GAK: variants seen among roughly 807,000 people sequenced by gnomAD.
GAK encodes the protein cyclin G associated kinase, also known as cyclin-G-associated kinase.
Under a neutral mutation model 143.9 loss-of-function variants are expected in GAK, and 79 were observed. That is an observed-to-expected ratio of 0.55 (90% CI 0.46 to 0.66). The LOEUF is 0.66. Among genes scored for constraint, GAK ranks in the 30% least tolerant of loss-of-function variants. GAK has a pLI of 0.00. For synonymous variants in GAK, 881 were observed against 765.5 expected (o/e 1.15, Z -2.49); for missense variants, 1,693 against 1,779.7 (o/e 0.95, Z 0.88).
At position 884,013 on chromosome 4, in the gene GAK, C is replaced by G. The variant is rs1352048919; in HGVS notation, c.1255+24G>C. ...CACAGGGAAGGGCCGGGGCGCGTCCCACAGCCTCATGTGGCACGCATACCT... is the reference window on the plus strand; with the variant it reads ...CACAGGGAAGGGCCGGGGCGCGTCCGACAGCCTCATGTGGCACGCATACCT... On this transcript the variant is annotated intron_variant, in intron 12 of 27. Transcript: ENST00000314167. 1.9e-6 allele frequency: 3 copies of G among 1,611,366 alleles called. No homozygotes were observed. In the African/African-American group the frequency reaches 4.0e-5, roughly 22 times the overall value.
At chr4:925,050 A>C (rs1724498770) in intron 1 of GAK, among the ~76,000 whole-genome samples, 1 of 152,186 alleles carries the variant, frequency 6.6e-6, no homozygotes, top group Non-Finnish European at 1.5e-5. Context: ...CAACACAACA[A>C]GACTCTATCT....
chr4:849,715 G>A lies in GAK; in HGVS notation c.3894C>T (p.Ala1298=). The A allele has an allele frequency of 6.2e-7, 1 of 1,613,476 alleles. No homozygotes were observed. Among genetic ancestry groups the A allele is most frequent in the Non-Finnish European group, 8.5e-7 (1 of 1,179,682 alleles). The change falls in exon 28 of 28, where the codon GCC becomes GCT. Residue 1298 remains alanine, a synonymous_variant. Coordinates refer to ENST00000314167, the MANE Select transcript of GAK (RefSeq NM_005255.4). ...AGCCCTGGTTCTCAAACTCCGACCA[G>A]GCGTCATTCAGCTCCATGAAGATCA... ...AKMIFMELND[A]WSEFENQGSR... is the part of the protein sequence containing the mutation.
At chr4:912,406 T>C (rs868813390) in intron 3 of GAK, 1 of 377,804 alleles carries the variant, frequency 2.6e-6, no homozygotes, top group South Asian at 2.2e-5. Flanking sequence ...CAGCCAGGTC[T>C]CCGGAGGAGC....
intron 1 of GAK, among the ~76,000 whole-genome samples, chr4:927,792 G>A (rs1364577479): frequency 4.4e-5 from 6 of 137,196 alleles, no homozygotes; most frequent in Admixed American, 7.3e-5. Context: ...GCACTGCCCC[G>A]CACCCCTCCC....
At chr4:893,671 C>T (rs1169344213) in intron 8 of GAK, among the ~76,000 whole-genome samples, 182 bp from the exon 9 acceptor site, 1 of 152,180 alleles carries the variant, frequency 6.6e-6, no homozygotes, top group African/African-American at 2.4e-5. Context: ...AAAATCACCA[C>T]TCAGAGCACC....
At chr4:926,412 T>C (rs1328048480) in intron 1 of GAK, among the ~76,000 whole-genome samples, 3 of 152,154 alleles carry the variant, frequency 2.0e-5, no homozygotes, top group African/African-American at 7.2e-5. Context: ...ACAGGGGCCC[T>C]AAGGACACCT....
At chr4:913,318 T>C (rs1722370242) in intron 2 of GAK, among the ~76,000 whole-genome samples, 1 of 152,216 alleles carries the variant, frequency 6.6e-6, no homozygotes, top group African/African-American at 2.4e-5. Flanking sequence ...AGAGCCCTTA[T>C]TTTGGCACAT....
chr4:849,545 G>A lies in GAK; in HGVS notation c.*128C>T, dbSNP rs1359638568. The A allele has an allele frequency of 4.6e-6, 3 of 657,862 alleles. No individual in the cohort carries two copies. The highest frequency in any genetic ancestry group is 8.2e-6 in the Non-Finnish European group (3 of 366,538). 40.8% of individuals were successfully genotyped at this position (657,862 alleles called of 1,614,324 possible). A position where few individuals can be genotyped will look rare whatever the true frequency, so the allele number is the denominator to read the frequency against. On this transcript the variant is annotated 3_prime_UTR_variant, in exon 28 of 28. Transcript: ENST00000314167. ...GTGCCTGGAACGCTGGGCGGGCGGT[G>A]ACCCGGGGCTCGGAGCCCCACCCTG...
In GAK at chr4:893,782, G is replaced by A. The variant is rs552318948; in HGVS notation, c.877+92C>T. On this transcript the variant is annotated intron_variant, in intron 8 of 27. Transcript: ENST00000314167. ...GTGACGGGCGGGAGTGGGGCCAGGT[G>A]AGCAGTGCCCCAAGGGGAGCGGGGT... 4.9e-4 allele frequency: 685 copies of A among 1,403,752 alleles called. 9 individuals are homozygous for A. The East Asian group carries it at 0.017, about 35-fold the overall frequency. The allele number at this position is 1,403,752 out of a possible 1,614,324, so 87.0% of individuals were successfully genotyped here. A position where few individuals can be genotyped will look rare whatever the true frequency, so the allele number is the denominator to read the frequency against.
At chr4:873,010 C>T (rs564050192) in intron 18 of GAK, among the ~76,000 whole-genome samples, 4 of 152,184 alleles carry the variant, frequency 2.6e-5, no homozygotes, top group South Asian at 4.2e-4. Context: ...ACACGCCTCT[C>T]GCCCAGGCAC....
At chr4:917,655 C>T (rs567447599) in intron 1 of GAK, among the ~76,000 whole-genome samples, 41 of 152,344 alleles carry the variant, frequency 2.7e-4, no homozygotes, top group Non-Finnish European at 5.1e-4. Flanking sequence ...GAAGGGTTAC[C>T]GTGGGGAGGA....
chr4:882,947 T>C, intron 13 of GAK, 128 bp from the exon 14 acceptor site: 1 of 1,209,404 alleles, frequency 8.3e-7, no homozygotes, highest in Non-Finnish European at 1.1e-6. Flanking sequence ...GGCGTCCACC[T>C]GCGCGAGACC....
At chr4:878,128 C>T (rs572078390) in intron 15 of GAK, among the ~76,000 whole-genome samples, 2 of 151,416 alleles carry the variant, frequency 1.3e-5, no homozygotes, top group Non-Finnish European at 2.9e-5. Context: ...CGGTGGCTCA[C>T]GCCTGTAATC....
chr4:911,975 A>G, intron 3 of GAK, 188 bp from the exon 4 acceptor site: 2 of 531,534 alleles, frequency 3.8e-6, no homozygotes, highest in South Asian at 3.3e-5. Flanking sequence ...AGACAGAGGC[A>G]GGAGGAGCTG....
At chr4:915,408 G>C (rs1722964414) in intron 1 of GAK, 1 of 160,186 alleles carries the variant, frequency 6.2e-6, no homozygotes, top group African/African-American at 2.4e-5. Context: ...GATCCAGAGA[G>C]AGAGGACAGA....
chr4:894,998 TAAATAAATAAATAAATA>T (rs1037322596), intron 7 of GAK, among the ~76,000 whole-genome samples: 7 of 90,868 alleles, frequency 7.7e-5, no homozygotes, highest in South Asian at 7.2e-4. Flanking sequence ...AATAAATAAA[TAAATAAATAAATAAATA>T]AAGGTTCCTT....
rs760261939 is a variant in GAK at position 876,516 on chromosome 4, C to T, written c.2054+14G>A. ...CCTGTCCCTCCCCACCGAGCACAAG[C>T]GGTACCAACGTACTTGGCAAATTTC... On this transcript the variant is annotated intron_variant, in intron 18 of 27. Transcript: ENST00000314167. 35 of 1,611,564 alleles carry T rather than the reference C, an allele frequency of 2.2e-5. No individual in the cohort carries two copies. The highest frequency in any genetic ancestry group is 5.0e-5 in the Admixed American group (3 of 60,006).
rs1274441061 is a variant in GAK at position 893,960 on chromosome 4, T to A, written c.791A>T (p.Glu264Val). 1 of 1,612,728 alleles carries A rather than the reference T, an allele frequency of 6.2e-7. No homozygotes were observed. ...GACTATTCGAAGTTTCGCTCCATCC[T>A]CAAAAGGGTGCTGCCGGAAGCACAG... ...YLLCFRQHPF[E>V]DGAKLRIVNG... The change falls in exon 8 of 28, where the codon GAG becomes GTG. Residue 264 changes from glutamate to valine, a missense_variant. By Grantham distance (121) the Glu-to-Val change is moderately radical (BLOSUM62 -2). Coordinates refer to ENST00000314167, the MANE Select transcript of GAK (RefSeq NM_005255.4).
At position 888,769 on chromosome 4, in the gene GAK, C is replaced by T. The variant is rs188538872; in HGVS notation, c.1205+78G>A. The T allele has an allele frequency of 3.3e-6, 5 of 1,521,778 alleles. No homozygotes were observed. The East Asian group carries it at 7.2e-5, about 22-fold the overall frequency. The allele number at this position is 1,521,778 out of a possible 1,614,324, so 94.3% of individuals were successfully genotyped here. ...GGCCTGATGACCAGCTGTTCCACCG[C>T]AGCCAGGAAGCAAGGGCCGGGGCTG... is the stretch of plus-strand genomic sequence containing the variant. On this transcript the variant is annotated intron_variant, in intron 11 of 27. Transcript: ENST00000314167.
Sources: allele counts gnomAD v4.1 joint callset (sites outside exome capture counted in the v4.1 genomes callset), GRCh38; gene constraint gnomAD v4.1.1; transcripts MANE v1.5; gene names NCBI Gene and HGNC (gene_info 2026-07-23, HGNC 2026-07-21).